The following LTV1 variants were observed in gnomAD, a reference collection of about 807,000 sequenced individuals.
The protein encoded by LTV1 is LTV1 ribosome biogenesis factor.
LTV1 carries 39 observed loss-of-function variants against 59.9 expected under a neutral mutation model. That is an observed-to-expected ratio of 0.65 (90% CI 0.50 to 0.85). The LOEUF is 0.85. Ranked by LOEUF, LTV1 falls within the 40% of genes least tolerant of loss-of-function variation. LTV1 has a pLI of 0.00. For synonymous variants in LTV1, 171 were observed against 189.5 expected, an observed-to-expected ratio of 0.90 and a Z score of 0.80; for missense variants, 493 against 549.1, an observed-to-expected ratio of 0.90 and a Z score of 1.02.
chr6:143,857,391 C>T lies in LTV1; in HGVS notation c.486C>T (p.Asp162=). 1 of 1,613,966 alleles carries T rather than the reference C, an allele frequency of 6.2e-7. No homozygotes were observed. Among genetic ancestry groups the T allele is most frequent in the Non-Finnish European group, 8.5e-7 (1 of 1,179,962 alleles). The part of the protein sequence containing the change: ...FDDPDNLLED[D]FILQANKATG... Reference sequence around the variant, plus strand: ...ATCCAGATAATCTGCTTGAGGATGACTTTATTCTTCAGGCCAATAAGGCAA... The same window carrying T: ...ATCCAGATAATCTGCTTGAGGATGATTTTATTCTTCAGGCCAATAAGGCAA... Residue 162 remains aspartate (D), a synonymous_variant, in exon 5 of 11, where the codon GAC becomes GAT. Transcript: ENST00000367576. This position sits in a 1 kb window ranked among gnomAD's most constrained non-coding sequence, Gnocchi z 5.2.
Position 143,843,490 on chromosome 6 carries a change from C to G in LTV1, c.3+10C>G, listed in dbSNP as rs1776834896. 1 of 1,613,424 alleles carries G rather than the reference C, an allele frequency of 6.2e-7. No individual in the cohort carries two copies. Among genetic ancestry groups the G allele is most frequent in the South Asian group, 1.1e-5 (1 of 91,060 alleles). ...GCGCGGCTGCAGCATGGTGAGCAAG[C>G]CTTGCTTGTTTCGGCGGCCGAGCGC... On this transcript the variant is annotated intron_variant, in intron 1 of 10. Coordinates refer to ENST00000367576, the MANE Select transcript of LTV1 (RefSeq NM_032860.5).
chr6:143,855,954 G>GTGTTCTCTATGT lies in LTV1; in HGVS notation c.398-1348_398-1347insGTTCTCTATGTT, dbSNP rs1554234802. Among the ~76,000 whole-genome samples the GTGTTCTCTATGT allele has an allele frequency of 0.32, 48,428 of 150,556 alleles. 8,273 individuals are homozygous for GTGTTCTCTATGT. Among genetic ancestry groups the GTGTTCTCTATGT allele is most frequent in the East Asian group, 0.53 (2,677 of 5,094 alleles). On this transcript the variant is annotated intron_variant, in intron 4 of 10. Transcript: ENST00000367576. This position sits in a 1 kb window ranked among gnomAD's most constrained non-coding sequence, Gnocchi z 4.6. Reference sequence around the variant, plus strand: ...GCTCTTCTCGAGGAGTATCTTTGTGGTTCCTGAATTTGAATGTTGGCCTCT... The same window carrying GTGTTCTCTATGT: ...GCTCTTCTCGAGGAGTATCTTTGTGGTGTTCTCTATGTTTCCTGAATTTGAATGTTGGCCTCT...
Position 143,862,694 on chromosome 6 carries a change from G to C in LTV1, c.1064-150G>C. ...GGAAAGAGTAATATTCCAATACTGA[G>C]TTGTAAGCAATTTATAAAACATTGA... is the stretch of plus-strand genomic sequence containing the variant. On this transcript the variant is annotated intron_variant, in intron 8 of 10. Transcript: ENST00000367576. The surrounding 1 kb of genome is among the most constrained non-coding windows in gnomAD (Gnocchi z 4.2). 1 of 622,510 alleles carries C rather than the reference G, an allele frequency of 1.6e-6. No homozygotes were observed. The highest frequency in any genetic ancestry group is 2.9e-6 in the Non-Finnish European group (1 of 345,314). 38.6% of individuals were successfully genotyped at this position (622,510 alleles called of 1,614,324 possible). A position where few individuals can be genotyped will look rare whatever the true frequency, so the allele number is the denominator to read the frequency against.
intron 6 of LTV1, chr6:143,858,654 G>C (rs1191784223): frequency 6.5e-6 from 1 of 153,396 alleles, no homozygotes; most frequent in Non-Finnish European, 1.5e-5. Context: ...TCTAAAGATA[G>C]AAGCAGTCCA....
chr6:143,843,603 C>G (rs1358335966), intron 1 of LTV1, 123 bp downstream of exon 1: 2 of 1,296,756 alleles, frequency 1.5e-6, no homozygotes, highest in African/African-American at 2.9e-5. Flanking sequence ...GCTTGCGGCA[C>G]GGTACCCCGA....
intron 6 of LTV1, 95 bp downstream of exon 6, chr6:143,858,102 C>A: frequency 5.3e-6 from 6 of 1,140,174 alleles, no homozygotes; most frequent in South Asian, 1.4e-5. Context: ...AAGTGCTCAC[C>A]AACCACAAAG....
At chr6:143,849,212 G>T (rs1414029612) in intron 3 of LTV1, among the ~76,000 whole-genome samples, 1 of 152,158 alleles carries the variant, frequency 6.6e-6, no homozygotes, top group South Asian at 2.1e-4. Flanking sequence ...ATGCCCCAAA[G>T]AATAGAGTGA....
Position 143,857,194 on chromosome 6 carries a change from C to A in LTV1, c.398-109C>A. On this transcript the variant is annotated intron_variant, in intron 4 of 10. Transcript: ENST00000367576. This position sits in a 1 kb window ranked among gnomAD's most constrained non-coding sequence, Gnocchi z 5.2. ...ACTTAGTTCTTAATCGTTCTTTTAT[C>A]CTCAATATATTAATAGACTCTTGCT... 7.8e-7 allele frequency: 1 copy of A among 1,277,642 alleles called. No individual in the cohort carries two copies. Among genetic ancestry groups the A allele is most frequent in the Non-Finnish European group, 1.1e-6 (1 of 911,002 alleles). The allele number at this position is 1,277,642 out of a possible 1,614,324, so 79.1% of individuals were successfully genotyped here. A position where few individuals can be genotyped will look rare whatever the true frequency, so the allele number is the denominator to read the frequency against.
chr6:143,848,405 C>T (rs1187933852), intron 3 of LTV1, among the ~76,000 whole-genome samples: 3 of 152,010 alleles, frequency 2.0e-5, no homozygotes, highest in Non-Finnish European at 2.9e-5. Context: ...ACATCTTTGC[C>T]CATGTTTGTG....
intron 3 of LTV1, among the ~76,000 whole-genome samples, chr6:143,849,671 C>A (rs564436893): frequency 4.6e-5 from 7 of 152,268 alleles, no homozygotes; most frequent in East Asian, 3.9e-4. Flanking sequence ...GTAATAGTTT[C>A]CTAGGACTGC....
intron 2 of LTV1, 35 bp from the exon 3 acceptor site, chr6:143,846,016 T>C: frequency 1.2e-6 from 2 of 1,600,454 alleles, no homozygotes; most frequent in South Asian, 1.1e-5. Flanking sequence ...TGTTTATAGA[T>C]AGTGAAGAAA....
In LTV1 at chr6:143,857,921, A is replaced by C. The variant is rs771873971; in HGVS notation, c.709A>C (p.Lys237Gln). The C allele has an allele frequency of 6.2e-6, 10 of 1,614,018 alleles. No homozygotes were observed. Among genetic ancestry groups the C allele is most frequent in the Non-Finnish European group, 8.5e-6 (10 of 1,180,014 alleles). Residue 237 changes from lysine to glutamine, a missense_variant, in exon 6 of 11, where the codon AAG becomes CAG. Physicochemically the swap from Lys to Gln is moderately conservative, Grantham distance 53. Transcript: ENST00000367576. The surrounding 1 kb of genome is among the most constrained non-coding windows in gnomAD (Gnocchi z 5.2). ...ADHLFWSEET[K>Q]SRFTEYSMTS... ...TCACTTGTTCTGGAGTGAGGAAACA[A>C]AGAGTCGCTTCACGGAGTATTCGAT...
intron 2 of LTV1, 37 bp from the exon 3 acceptor site, chr6:143,846,014 G>A (rs1167688398): frequency 1.3e-6 from 2 of 1,598,010 alleles, no homozygotes; most frequent in South Asian, 2.2e-5. Context: ...TTTGTTTATA[G>A]ATAGTGAAGA....
At chr6:143,852,882 T>G (rs1190414705) in intron 4 of LTV1, among the ~76,000 whole-genome samples, 1 of 152,188 alleles carries the variant, frequency 6.6e-6, no homozygotes, top group Admixed American at 6.5e-5. Context: ...TGGCTGTAGA[T>G]GTGTGGTGTT....
In LTV1 at chr6:143,857,613, A is replaced by G. The variant is rs1582941114; in HGVS notation, c.540-139A>G. 9 of 1,113,034 alleles carry G rather than the reference A, an allele frequency of 8.1e-6. No homozygotes were observed. The East Asian group carries it at 2.2e-4, about 27-fold the overall frequency. 68.9% of individuals were successfully genotyped at this position (1,113,034 alleles called of 1,614,324 possible). Reference sequence around the variant, plus strand: ...GATTCATTGCTTTTCCTACCAAACCAGATTGATCAAACACCCTCACTCTTC... The same window carrying G: ...GATTCATTGCTTTTCCTACCAAACCGGATTGATCAAACACCCTCACTCTTC... On this transcript the variant is annotated intron_variant, in intron 5 of 10. Coordinates refer to ENST00000367576, the MANE Select transcript of LTV1 (RefSeq NM_032860.5). The surrounding 1 kb of genome is among the most constrained non-coding windows in gnomAD (Gnocchi z 5.2).
At position 143,843,341 on chromosome 6, in the gene LTV1, A is replaced by T. The variant is rs1034807798; in HGVS notation, c.-137A>T. 4.7e-6 allele frequency: 5 copies of T among 1,065,682 alleles called. No homozygotes were observed. Among genetic ancestry groups the T allele is most frequent in the Non-Finnish European group, 7.2e-6 (5 of 697,470 alleles). The allele number at this position is 1,065,682 out of a possible 1,614,324, so 66.0% of individuals were successfully genotyped here. A position where few individuals can be genotyped will look rare whatever the true frequency, so the allele number is the denominator to read the frequency against. ...GTCCGTTTCCACGGCCGGCTGGGTG[A>T]CGTTATCGCCGGGTCCTGGGGCTGC... On this transcript the variant is annotated 5_prime_UTR_variant, in exon 1 of 11. Transcript: ENST00000367576.
chr6:143,853,391 TAGACAGTGA>T (rs1310571476), intron 4 of LTV1, among the ~76,000 whole-genome samples: 1 of 152,214 alleles, frequency 6.6e-6, no homozygotes, highest in Non-Finnish European at 1.5e-5. Context: ...GTTTTCTAAA[TAGACAGTGA>T]TGTTAATCTG....
chr6:143,850,052 T>TG (rs1276564529), intron 3 of LTV1, 79 bp from the exon 4 acceptor site: 6 of 1,050,892 alleles, frequency 5.7e-6, no homozygotes, highest in Admixed American at 3.7e-5. Context: ...GACATTGATT[T>TG]GGGGGGGACT....
At chr6:143,850,517 T>G (rs1326515240) in intron 4 of LTV1, among the ~76,000 whole-genome samples, 2 of 152,244 alleles carry the variant, frequency 1.3e-5, no homozygotes, top group Non-Finnish European at 2.9e-5. Context: ...GTGGTATTAA[T>G]TATTCATTAC....
Sources: gnomAD v4.1 joint callset for allele counts (sites outside exome capture counted in the v4.1 genomes callset) on GRCh38, gnomAD v4.1.1 for gene constraint, Gnocchi (gnomAD v3.1) non-coding constraint, MANE v1.5 for transcripts, NCBI Gene and HGNC (gene_info 2026-07-23, HGNC 2026-07-21) for gene names.